The following SNX7 variants were observed in gnomAD, a reference collection of about 807,000 sequenced individuals.
SNX7 encodes sorting nexin-7.
A neutral mutation model predicts 48.4 loss-of-function variants in SNX7; 35 were observed. The ratio of observed to expected loss-of-function variants is 0.72; its 90% CI spans 0.55 to 0.96. The LOEUF is 0.96. Among genes scored for constraint, SNX7 ranks in the 40% least tolerant of loss-of-function variants. SNX7 has a pLI of 0.00. For synonymous variants in SNX7, 190 were observed against 190.2 expected, an observed-to-expected ratio of 1.00 and a Z score of 0.01; for missense variants, 553 against 548.9, an observed-to-expected ratio of 1.01 and a Z score of -0.07.
intron 8 of SNX7, among the ~76,000 whole-genome samples, chr1:98,740,063 A>G (rs962337606): frequency 1.3e-5 from 2 of 152,136 alleles, no homozygotes; most frequent in African/African-American, 4.8e-5. Flanking sequence ...TATGGAACAG[A>G]TCCATGGTTT....
In SNX7 at chr1:98,688,680, T is replaced by G. The variant is rs534422079; in HGVS notation, c.364-2395T>G. On this transcript the variant is annotated intron_variant, in intron 2 of 8. Transcript: ENST00000306121. Reference sequence around the variant, plus strand: ...GGGGGTAGAGATCACACAAGTTCATTAGTACTAAACTTCAAATACCCAAGC... The same window carrying G: ...GGGGGTAGAGATCACACAAGTTCATGAGTACTAAACTTCAAATACCCAAGC... Among the ~76,000 whole-genome samples the G allele has an allele frequency of 7.2e-5, 11 of 152,322 alleles. No individual in the cohort carries two copies. In the East Asian group the frequency reaches 2.1e-3, roughly 29 times the overall value.
chr1:98,669,275 T>C (rs147982841), intron 1 of SNX7, among the ~76,000 whole-genome samples: 1 of 152,358 alleles, frequency 6.6e-6, no homozygotes, highest in East Asian at 1.9e-4. Flanking sequence ...TTGATATCTC[T>C]GGAATTAGTG....
chr1:98,756,006 T>C (rs1384499632), intron 8 of SNX7, among the ~76,000 whole-genome samples: 2 of 142,790 alleles, frequency 1.4e-5, no homozygotes, highest in African/African-American at 5.1e-5. Context: ...TTCTTTTGCC[T>C]TCTTTTGAAT....
chr1:98,693,111 T>C (rs1651237442), intron 4 of SNX7, among the ~76,000 whole-genome samples: 1 of 152,138 alleles, frequency 6.6e-6, no homozygotes, highest in African/African-American at 2.4e-5. Flanking sequence ...TGAGTAATAA[T>C]GGATCAGGGC....
At chr1:98,669,525 C>G (rs1649730885) in intron 1 of SNX7, among the ~76,000 whole-genome samples, 1 of 152,232 alleles carries the variant, frequency 6.6e-6, no homozygotes, top group African/African-American at 2.4e-5. Flanking sequence ...TCCTGGAGAG[C>G]CTCACTATTC....
intron 8 of SNX7, among the ~76,000 whole-genome samples, chr1:98,759,811 G>A (rs1655024981): frequency 6.6e-6 from 1 of 151,994 alleles, no homozygotes; most frequent in African/African-American, 2.4e-5. Flanking sequence ...GGTAATAGTA[G>A]ATTATTTCAG....
At chr1:98,721,645 T>C (rs1205996763) in intron 7 of SNX7, among the ~76,000 whole-genome samples, 1 of 152,066 alleles carries the variant, frequency 6.6e-6, no homozygotes, top group Non-Finnish European at 1.5e-5. Flanking sequence ...TGAGATATTG[T>C]TTAGTTAAGT....
intron 8 of SNX7, among the ~76,000 whole-genome samples, chr1:98,754,830 G>A (rs947835408): frequency 4.0e-5 from 6 of 149,768 alleles, no homozygotes; most frequent in East Asian, 2.0e-4. Context: ...GCTCTTTTCT[G>A]TTTTTTGTTT....
In SNX7 at chr1:98,691,129, G is replaced by T. The variant is rs746558961; in HGVS notation, c.418G>T (p.Asp140Tyr). The change falls in exon 3 of 9, where the codon GAT becomes TAT. Residue 140 changes from aspartate (D) to tyrosine (Y), a missense_variant. By Grantham distance (160) the Asp-to-Tyr change is radical. Transcript: ENST00000306121. ...ATTTGAAGTTAGGAGACGATATCAA[G>T]ATTTCCTTTGGTTGAAGGGAAAACT... ...SEFEVRRRYQ[D>Y]FLWLKGKLEE... is the part of the protein sequence containing the mutation. 2.5e-6 allele frequency: 4 copies of T among 1,609,876 alleles called. No homozygotes were observed. Among genetic ancestry groups the T allele is most frequent in the Admixed American group, 1.7e-5 (1 of 59,646 alleles).
chr1:98,748,299 C>T (rs1654405103), intron 8 of SNX7, among the ~76,000 whole-genome samples: 1 of 151,910 alleles, frequency 6.6e-6, no homozygotes, highest in Non-Finnish European at 1.5e-5. Context: ...TTTCTGCAGT[C>T]TTAAAAACTT....
At chr1:98,669,116 G>A (rs973877680) in intron 1 of SNX7, among the ~76,000 whole-genome samples, 4 of 152,194 alleles carry the variant, frequency 2.6e-5, no homozygotes, top group Non-Finnish European at 5.9e-5. Flanking sequence ...TCCCCAACCC[G>A]TTGTCTTTTC....
chr1:98,728,163 G>C (rs1320569636), intron 7 of SNX7, among the ~76,000 whole-genome samples: 1 of 152,154 alleles, frequency 6.6e-6, no homozygotes, highest in African/African-American at 2.4e-5. Flanking sequence ...TACAAAGGAA[G>C]CCCATCAGAA....
chr1:98,694,596 ATTTTTTTTTTTT>A (rs764330196), intron 4 of SNX7, among the ~76,000 whole-genome samples: 9 of 53,224 alleles, frequency 1.7e-4, no homozygotes, highest in African/African-American at 2.6e-4. Context: ...TTGCTCTGGG[ATTTTTTTTTTTT>A]TTTTTTTTTT....
At chr1:98,723,348 G>A (rs1018352062) in intron 7 of SNX7, among the ~76,000 whole-genome samples, 17 of 150,064 alleles carry the variant, frequency 1.1e-4, no homozygotes, top group Non-Finnish European at 2.1e-4. Context: ...AGTTTTAAAC[G>A]GTTTTTTTTC....
intron 7 of SNX7, among the ~76,000 whole-genome samples, chr1:98,703,857 G>A (rs1651883523): frequency 6.6e-6 from 1 of 151,940 alleles, no homozygotes; most frequent in Admixed American, 6.6e-5. Flanking sequence ...TTAGTGGTTA[G>A]ACAAAATTTT....
At chr1:98,751,678 T>G (rs201966252) in intron 8 of SNX7, among the ~76,000 whole-genome samples, 1 of 152,112 alleles carries the variant, frequency 6.6e-6, no homozygotes, top group East Asian at 1.9e-4. Flanking sequence ...TCAACTTAAT[T>G]TTTTCTGCAG....
At chr1:98,681,470 A>G (rs1402145208) in intron 1 of SNX7, among the ~76,000 whole-genome samples, 1 of 152,218 alleles carries the variant, frequency 6.6e-6, no homozygotes, top group East Asian at 1.9e-4. Flanking sequence ...AAATGTAATC[A>G]TAATTCACTA....
chr1:98,691,694 G>A lies in SNX7; in HGVS notation c.634G>A (p.Ala212Thr), dbSNP rs1651136752. The A allele has an allele frequency of 2.5e-6, 4 of 1,597,318 alleles. No homozygotes were observed. Among genetic ancestry groups the A allele is most frequent in the Non-Finnish European group, 3.4e-6 (4 of 1,173,204 alleles). The change falls in exon 4 of 9, where the codon GCT (alanine) becomes ACT (threonine). Residue 212 changes from alanine to threonine, a missense_variant. Ala to Thr is a moderately conservative substitution (Grantham distance 58). Coordinates refer to ENST00000306121, the MANE Select transcript of SNX7 (RefSeq NM_015976.5). ...CTTCAAAATTTTTCTCACTGCACAA[G>A]CTTGGGTAAATGATTTTTATTTATA... is the stretch of plus-strand genomic sequence containing the variant. ...EDFKIFLTAQ[A>T]WELSSHKKQG...
intron 7 of SNX7, among the ~76,000 whole-genome samples, chr1:98,707,767 C>A (rs1362672523): frequency 1.3e-5 from 2 of 152,062 alleles, no homozygotes; most frequent in African/African-American, 4.8e-5. Flanking sequence ...TTTATGTGAG[C>A]AAAGAAATGC....
Sources: gnomAD v4.1 joint callset for allele counts (sites outside exome capture counted in the v4.1 genomes callset) on GRCh38, gnomAD v4.1.1 for gene constraint, MANE v1.5 for transcripts, NCBI Gene and HGNC (gene_info 2026-07-23, HGNC 2026-07-21) for gene names.